The following SLC10A7 variants were observed in gnomAD, a reference collection of about 807,000 sequenced individuals.
SLC10A7 encodes the protein sodium/bile acid cotransporter 7.
Under a neutral mutation model 43.2 loss-of-function variants are expected in SLC10A7, and 29 were observed. The ratio of observed to expected loss-of-function variants is 0.67; its 90% CI spans 0.50 to 0.92. The LOEUF (loss-of-function observed/expected upper bound fraction) is 0.92, where lower values mean the gene tolerates loss of function less well. Ranked by LOEUF, SLC10A7 falls within the 40% of genes least tolerant of loss-of-function variation. The pLI is 0.00. For missense variants in SLC10A7, 295 were observed against 403.2 expected (o/e 0.73, Z 2.30); for synonymous variants, 152 against 144.8 (o/e 1.05, Z -0.35).
At chr4:146,503,765 C>T (rs548539427) in intron 4 of SLC10A7, 84 bp downstream of exon 4, 3 of 1,298,280 alleles carry the variant, frequency 2.3e-6, no homozygotes, top group Admixed American at 3.6e-5. Flanking sequence ...CAACATCAAC[C>T]CTTCATGTCC....
chr4:146,515,771 G>A (rs1054072090), intron 2 of SLC10A7, among the ~76,000 whole-genome samples: 49 of 152,042 alleles, frequency 3.2e-4, no homozygotes, highest in African/African-American at 1.0e-3. Context: ...TTAGCCGGGC[G>A]TGGTGGTGGG....
At chr4:146,272,522 T>C (rs929663067) in intron 10 of SLC10A7, among the ~76,000 whole-genome samples, 12 of 152,184 alleles carry the variant, frequency 7.9e-5, no homozygotes, top group Non-Finnish European at 5.9e-5. Context: ...ATGTATTCTT[T>C]ACTGCAAAGA....
chr4:146,304,051 C>A (rs1398397193), intron 7 of SLC10A7, among the ~76,000 whole-genome samples: 1 of 97,468 alleles, frequency 1.0e-5, no homozygotes, highest in Non-Finnish European at 1.9e-5. Context: ...ACTGTGGCAT[C>A]CTATGATTTC....
At chr4:146,521,007 G>T (rs961736237) in intron 1 of SLC10A7, among the ~76,000 whole-genome samples, 1 of 152,076 alleles carries the variant, frequency 6.6e-6, no homozygotes, top group African/African-American at 2.4e-5. Context: ...GTATCTGTTA[G>T]ACTGCTAGTA....
chr4:146,417,291 T>C (rs1697780450), intron 5 of SLC10A7, among the ~76,000 whole-genome samples: 1 of 152,186 alleles, frequency 6.6e-6, no homozygotes, highest in South Asian at 2.1e-4. Flanking sequence ...AAATAGACCA[T>C]GGAGAATCTT....
At chr4:146,385,743 C>T (rs1248240219) in intron 5 of SLC10A7, among the ~76,000 whole-genome samples, 2 of 152,142 alleles carry the variant, frequency 1.3e-5, no homozygotes, top group African/African-American at 4.8e-5. Flanking sequence ...TCAACTCTTG[C>T]CCCCTTCCTC....
intron 4 of SLC10A7, among the ~76,000 whole-genome samples, chr4:146,462,850 C>T (rs4835312): frequency 0.82 from 124,628 of 152,138 alleles, 51,740 homozygotes; most frequent in African/African-American, 0.93. Flanking sequence ...TATCTGTAAG[C>T]GACTTTCTCT....
At chr4:146,463,400 A>G (rs528320561) in intron 4 of SLC10A7, among the ~76,000 whole-genome samples, 1 of 152,284 alleles carries the variant, frequency 6.6e-6, no homozygotes, top group East Asian at 1.9e-4. Context: ...AAATATCAGT[A>G]TCTTACAAAT....
chr4:146,491,191 G>T (rs1735383069), intron 4 of SLC10A7, among the ~76,000 whole-genome samples: 1 of 152,082 alleles, frequency 6.6e-6, no homozygotes. Context: ...GGATGAGGAG[G>T]TCCTTACTGT....
At chr4:146,264,327 T>G (rs948545296) in intron 10 of SLC10A7, among the ~76,000 whole-genome samples, 7 of 152,220 alleles carry the variant, frequency 4.6e-5, no homozygotes, top group African/African-American at 1.7e-4. Flanking sequence ...AACAGACATT[T>G]TTCTTCTTAG....
Position 146,317,045 on chromosome 4 carries a change from C to T in SLC10A7, c.471+8916G>A, listed in dbSNP as rs1190188440. ...CCTACTTTTACATAACTGGTACTGG[C>T]TGCCAATTAAACCAGAATTTTATAC... On this transcript the variant is annotated intron_variant, in intron 6 of 11. Transcript: ENST00000335472. 2.0e-5 allele frequency among the ~76,000 whole-genome samples: 3 copies of T among 152,070 alleles called. No individual in the cohort carries two copies. In the East Asian group the frequency reaches 5.8e-4, roughly 29 times the overall value.
chr4:146,474,860 C>T (rs1002658181), intron 4 of SLC10A7, among the ~76,000 whole-genome samples: 3 of 152,086 alleles, frequency 2.0e-5, no homozygotes, highest in African/African-American at 4.8e-5. Context: ...TGCCTCCCAA[C>T]CCCCAACAGC....
At chr4:146,474,792 G>A (rs1398025648) in intron 4 of SLC10A7, among the ~76,000 whole-genome samples, 1 of 152,060 alleles carries the variant, frequency 6.6e-6, no homozygotes, top group Non-Finnish European at 1.5e-5. Flanking sequence ...AATACAAATA[G>A]AAAATCATGT....
At chr4:146,426,981 A>G (rs1560896995) in intron 5 of SLC10A7, among the ~76,000 whole-genome samples, 2 of 152,250 alleles carry the variant, frequency 1.3e-5, no homozygotes, top group African/African-American at 2.4e-5. Flanking sequence ...TAGGAAAAGT[A>G]AGACAAAGAT....
At chr4:146,438,815 GA>G (rs1730391411) in intron 5 of SLC10A7, among the ~76,000 whole-genome samples, 1 of 151,572 alleles carries the variant, frequency 6.6e-6, no homozygotes, top group Non-Finnish European at 1.5e-5. Context: ...TGAAATTAAA[GA>G]AAAAAAATTT....
intron 5 of SLC10A7, among the ~76,000 whole-genome samples, chr4:146,370,399 A>AT (rs1440400544): frequency 2.6e-5 from 4 of 152,112 alleles, no homozygotes. Context: ...TTATCGCTCC[A>AT]TTTGTATCAA....
At chr4:146,396,339 TA>T (rs1738821282) in intron 5 of SLC10A7, among the ~76,000 whole-genome samples, 1 of 152,176 alleles carries the variant, frequency 6.6e-6, no homozygotes, top group Admixed American at 6.5e-5. Context: ...AGAGAATATC[TA>T]AATAAAAATT....
chr4:146,457,892 T>C (rs1732212771), intron 4 of SLC10A7, among the ~76,000 whole-genome samples: 1 of 151,862 alleles, frequency 6.6e-6, no homozygotes, highest in Admixed American at 6.6e-5. Flanking sequence ...CACTGGTGAA[T>C]TCTACCAAAT....
intron 4 of SLC10A7, among the ~76,000 whole-genome samples, chr4:146,468,473 A>ATTTTTTTTTTTTTTTTTT (rs368637891): frequency 7.0e-6 from 1 of 143,582 alleles, no homozygotes; most frequent in East Asian, 2.1e-4. Flanking sequence ...TTATATTTTA[A>ATTTTTTTTTTTTTTTTTT]TTTTTTTTTT....
Sources: allele counts gnomAD v4.1 joint callset (sites outside exome capture counted in the v4.1 genomes callset), GRCh38; gene constraint gnomAD v4.1.1; transcripts MANE v1.5; gene names NCBI Gene and HGNC (gene_info 2026-07-23, HGNC 2026-07-21).